ZNF516: variants seen among roughly 807,000 people sequenced by gnomAD.
ZNF516 encodes the protein zinc finger protein 516.
ZNF516 carries 19 observed loss-of-function variants against 79.7 expected under a neutral mutation model. The observed-to-expected ratio is 0.24, with a 90% CI of 0.17 to 0.35. The LOEUF is 0.35. Ranked by LOEUF, ZNF516 falls within the 10% of genes least tolerant of loss-of-function variation. The probability of loss-of-function intolerance (pLI) is 1.00; values close to 1 mark genes in which losing one functional copy is unlikely to be tolerated. For synonymous variants in ZNF516, 877 were observed against 739.5 expected (o/e 1.19, Z -3.02); for missense variants, 1,678 against 1,679.5 (o/e 1.00, Z 0.02).
chr18:76,442,451 A>C lies in ZNF516; in HGVS notation c.604T>G (p.Cys202Gly). 6.2e-7 allele frequency: 1 copy of C among 1,606,478 alleles called. No homozygotes were observed. The highest frequency in any genetic ancestry group is 8.5e-7 in the Non-Finnish European group (1 of 1,179,668). The change falls in exon 3 of 7, where the codon TGC becomes GGC. Residue 202 changes from cysteine (C) to glycine (G), a missense_variant. Physicochemically the swap from Cys to Gly is radical, Grantham distance 159. Around this residue, in one of 5 missense-constraint regions of ZNF516, gnomAD observed 279 missense variants for 254.1 expected, o/e 1.10. Coordinates refer to ENST00000443185, the MANE Select transcript of ZNF516 (RefSeq NM_014643.4). ...HVHQAHKPFK[C>G]RLCSYATLRE... ...AGCGTCGCGTAGCTGCACAGCCTGC[A>C]CTTGAACGGCTTGTGCGCCTGGTGC...
chr18:76,496,412 C>G (rs1296470723), upstream of ZNF516: 1 of 1,289,594 alleles, frequency 7.8e-7, no homozygotes, highest in African/African-American at 1.5e-5. Context: ...GGCGGCGTCT[C>G]TCTCTGCGCC....
chr18:76,487,810 T>G, intron 1 of ZNF516: 6 of 512,878 alleles, frequency 1.2e-5, no homozygotes, highest in Non-Finnish European at 1.5e-5. Flanking sequence ...AGAGCTTGAA[T>G]TTGAAAAATG....
chr18:76,399,734 T>A (rs1211877656), intron 3 of ZNF516, among the ~76,000 whole-genome samples: 1 of 152,128 alleles, frequency 6.6e-6, no homozygotes, highest in Non-Finnish European at 1.5e-5. Flanking sequence ...CCCCTGATAC[T>A]GTATAAGTCG....
chr18:76,401,174 C>G (rs2075214395), intron 3 of ZNF516, among the ~76,000 whole-genome samples: 1 of 151,306 alleles, frequency 6.6e-6, no homozygotes, highest in African/African-American at 2.4e-5. Flanking sequence ...TCTGATTTTT[C>G]ACTAAAAAAA....
chr18:76,378,104 T>C (rs1788921813), intron 4 of ZNF516: 1 of 152,172 alleles, frequency 6.6e-6, no homozygotes, highest in Non-Finnish European at 1.5e-5. Context: ...TAACAGAACT[T>C]AGGTTTGTGT....
At position 76,379,420 on chromosome 18, in the gene ZNF516, G is replaced by A. The variant is rs11874132; in HGVS notation, c.2694C>T (p.Gly898=). ...TGGCCAGGGGCCCCTGTGTGGCCGC[G>A]CCATGTGGCTCCTGGCCGTGACAAG... ...TKPCHGQEPH[G]AATQGPLAKP... Residue 898 remains glycine (G), a synonymous_variant, in exon 4 of 7, where the codon GGC becomes GGT. Coordinates refer to ENST00000443185, the MANE Select transcript of ZNF516 (RefSeq NM_014643.4). 23 of 1,610,438 alleles carry A rather than the reference G, an allele frequency of 1.4e-5. No homozygotes were observed. The highest frequency in any genetic ancestry group is 6.7e-5 in the East Asian group (3 of 44,848).
chr18:76,470,481 G>A (rs2145724141), intron 1 of ZNF516, among the ~76,000 whole-genome samples: 1 of 152,272 alleles, frequency 6.6e-6, no homozygotes, highest in South Asian at 2.1e-4. Context: ...GATCCAAGGA[G>A]CCCTTATATC....
chr18:76,418,240 CTA>C (rs1048633758), intron 3 of ZNF516, among the ~76,000 whole-genome samples: 14 of 152,134 alleles, frequency 9.2e-5, no homozygotes, highest in Admixed American at 3.9e-4. Context: ...CGCTATCACA[CTA>C]TAACACACTA....
chr18:76,484,522 T>G (rs548295348), intron 1 of ZNF516, among the ~76,000 whole-genome samples: 27 of 152,234 alleles, frequency 1.8e-4, no homozygotes, highest in African/African-American at 6.3e-4. Context: ...GCCAAGAAGG[T>G]GCAGTTTCAT....
chr18:76,391,137 G>A (rs997958818), intron 3 of ZNF516, among the ~76,000 whole-genome samples: 1 of 152,096 alleles, frequency 6.6e-6, no homozygotes, highest in African/African-American at 2.4e-5. Context: ...AAGGAGGGCT[G>A]CGAGATTTCG....
chr18:76,479,970 A>G (rs1914406147), intron 1 of ZNF516, among the ~76,000 whole-genome samples: 1 of 152,214 alleles, frequency 6.6e-6, no homozygotes, highest in Non-Finnish European at 1.5e-5. Context: ...CCTGGTTTGA[A>G]AACAAATAGC....
intron 3 of ZNF516, chr18:76,386,865 C>T (rs570203496): frequency 1.4e-4 from 21 of 152,308 alleles, no homozygotes; most frequent in African/African-American, 4.3e-4. Context: ...TCTATAATTT[C>T]GGCAACCATC....
chr18:76,478,811 T>C (rs1914324746), intron 1 of ZNF516, among the ~76,000 whole-genome samples: 1 of 152,136 alleles, frequency 6.6e-6, no homozygotes. Flanking sequence ...ATCCCGGCAC[T>C]GTAAGAGGCC....
At chr18:76,473,350 C>G (rs1409574544) in intron 1 of ZNF516, among the ~76,000 whole-genome samples, 1 of 107,964 alleles carries the variant, frequency 9.3e-6, no homozygotes, top group Non-Finnish European at 1.8e-5. Flanking sequence ...ACTATTTGCT[C>G]TCTGCAAAAA....
intron 3 of ZNF516, among the ~76,000 whole-genome samples, chr18:76,392,135 T>C (rs1488307667): frequency 6.6e-6 from 1 of 152,166 alleles, no homozygotes; most frequent in Non-Finnish European, 1.5e-5. Flanking sequence ...AGAAACACAG[T>C]ACGGCCAAGG....
rs145608442 is a variant in ZNF516, at chr18:76,359,609, C to T, written c.*2889G>A. ...AGGCCAGGGTGCAGCCAGGCCCCAGCAGGGGCAGAGCGGGAAGCAGCGAGC... is the reference window on the plus strand; with the variant it reads ...AGGCCAGGGTGCAGCCAGGCCCCAGTAGGGGCAGAGCGGGAAGCAGCGAGC... On this transcript the variant is annotated 3_prime_UTR_variant, in exon 7 of 7. Coordinates refer to ENST00000443185, the MANE Select transcript of ZNF516 (RefSeq NM_014643.4). The T allele has an allele frequency of 4.0e-3, 604 of 152,222 alleles. 7 individuals are homozygous for T. Among genetic ancestry groups the T allele is most frequent in the Admixed American group, 0.024 (361 of 15,282 alleles). 9.4% of individuals were successfully genotyped at this position (152,222 alleles called of 1,614,324 possible). A position where few individuals can be genotyped will look rare whatever the true frequency, so the allele number is the denominator to read the frequency against.
chr18:76,463,312 C>T (rs1913240525), intron 1 of ZNF516, among the ~76,000 whole-genome samples, 171 bp from the exon 2 acceptor site: 1 of 152,218 alleles, frequency 6.6e-6, no homozygotes, highest in Non-Finnish European at 1.5e-5. Flanking sequence ...AAATCCCACA[C>T]AGTGTGGTTT....
upstream of ZNF516, chr18:76,495,420 C>G (rs1915443928): frequency 6.7e-6 from 1 of 149,228 alleles, no homozygotes; most frequent in Non-Finnish European, 1.5e-5. Flanking sequence ...GGGCCGGGCG[C>G]TCACGGCCCG....
intron 1 of ZNF516, among the ~76,000 whole-genome samples, chr18:76,494,643 C>T (rs1159039332): frequency 6.6e-6 from 1 of 152,152 alleles, no homozygotes; most frequent in African/African-American, 2.4e-5. Context: ...CGATCCCATC[C>T]GCCAAACCCT....
Sources: allele counts gnomAD v4.1 joint callset (sites outside exome capture counted in the v4.1 genomes callset), GRCh38; gene constraint gnomAD v4.1.1; regional missense constraint gnomAD v4.1.1; transcripts MANE v1.5; gene names NCBI Gene and HGNC (gene_info 2026-07-23, HGNC 2026-07-21).